Variants in EPHA6 observed in about 807,000 individuals in gnomAD.
EPHA6 encodes EPH receptor A6.
Under a neutral mutation model 112.0 loss-of-function variants are expected in EPHA6, and 50 were observed. The observed-to-expected ratio is 0.45, with a 90% CI of 0.36 to 0.56. The LOEUF is 0.56. Ranked by LOEUF, EPHA6 falls within the 20% of genes least tolerant of loss-of-function variation. The probability of loss-of-function intolerance (pLI) is 0.00; values close to 1 mark genes in which losing one functional copy is unlikely to be tolerated. For missense variants in EPHA6, 1,280 were observed against 1,417.4 expected (o/e 0.90, Z 1.56); for synonymous variants, 529 against 490.7 (o/e 1.08, Z -1.03).
rs1170197805 is a variant in EPHA6 at position 96,994,732 on chromosome 3, T to TATAGAGAGAGAG, written c.1114+6740_1114+6741insTAGAGAGAGAGA. ...GTGTATATATATATATATATATATA[T>TATAGAGAGAGAG]AGAGAGAGAGAGAGAGAGAGAGAGA... On this transcript the variant is annotated intron_variant, in intron 3 of 17. Transcript: ENST00000389672. 5.0e-3 allele frequency among the ~76,000 whole-genome samples: 409 copies of TATAGAGAGAGAG among 82,174 alleles called. 2 individuals are homozygous for TATAGAGAGAGAG. The highest frequency in any genetic ancestry group is 7.0e-3 in the Non-Finnish European group (324 of 46,466). The allele number at this position is 82,174 out of a possible 152,430, so 53.9% of individuals were successfully genotyped here.
intron 11 of EPHA6, among the ~76,000 whole-genome samples, chr3:97,565,615 G>C (rs561693790): frequency 2.0e-5 from 3 of 152,284 alleles, no homozygotes; most frequent in African/African-American, 7.2e-5. Context: ...AAGACAGGAA[G>C]AGTCTTGATA....
intron 3 of EPHA6, among the ~76,000 whole-genome samples, chr3:97,115,276 A>G (rs2047851491): frequency 6.6e-6 from 1 of 151,868 alleles, no homozygotes; most frequent in African/African-American, 2.4e-5. Context: ...GGGAGCCTAA[A>G]TGGGAGGGAA....
At chr3:97,643,461 T>A (rs1002686737) in intron 14 of EPHA6, among the ~76,000 whole-genome samples, 4 of 151,228 alleles carry the variant, frequency 2.6e-5, no homozygotes, top group Non-Finnish European at 4.4e-5. Flanking sequence ...TAAATGTAAA[T>A]GGACTAAATG....
intron 2 of EPHA6, among the ~76,000 whole-genome samples, chr3:96,930,377 G>T (rs2040250603): frequency 6.6e-6 from 1 of 152,008 alleles, no homozygotes; most frequent in Non-Finnish European, 1.5e-5. Context: ...CTTTGAATGG[G>T]GTTTTTGTGG....
rs370119916 is a variant in EPHA6, at chr3:97,736,626, A to T, written c.3128+508A>T. Among the ~76,000 whole-genome samples, 14 of 151,978 alleles carry T rather than the reference A, an allele frequency of 9.2e-5. No homozygotes were observed. In the South Asian group the frequency reaches 2.7e-3, roughly 29 times the overall value. On this transcript the variant is annotated intron_variant, in intron 16 of 17. Coordinates refer to ENST00000389672, the MANE Select transcript of EPHA6 (RefSeq NM_001080448.3). ...AGGAAGAATATTTCCTGCTGATATG[A>T]TCACATCTAGTTGTTGTTACTCTCC...
At chr3:96,880,208 A>C (rs1387791399) in intron 2 of EPHA6, among the ~76,000 whole-genome samples, 1 of 151,982 alleles carries the variant, frequency 6.6e-6, no homozygotes, top group Non-Finnish European at 1.5e-5. Flanking sequence ...CCTTGATTTG[A>C]TTATTACATA....
At chr3:97,127,221 T>C (rs1461285515) in intron 3 of EPHA6, among the ~76,000 whole-genome samples, 1 of 152,168 alleles carries the variant, frequency 6.6e-6, no homozygotes, top group African/African-American at 2.4e-5. Context: ...CAAAGGGATA[T>C]GATCTAATGG....
intron 2 of EPHA6, among the ~76,000 whole-genome samples, chr3:96,937,303 T>C (rs988978552): frequency 7.2e-5 from 11 of 152,070 alleles, no homozygotes; most frequent in East Asian, 1.9e-4. Context: ...GCCATTCTAA[T>C]TGGTGTGAGA....
At chr3:97,555,932 T>C in intron 11 of EPHA6, among the ~76,000 whole-genome samples, 1 of 152,074 alleles carries the variant, frequency 6.6e-6, no homozygotes, top group East Asian at 1.9e-4. Flanking sequence ...TTTAGTTTAA[T>C]TAAATCGAGT....
intron 1 of EPHA6, among the ~76,000 whole-genome samples, chr3:96,851,419 T>C (rs965188718): frequency 2.0e-5 from 3 of 152,228 alleles, no homozygotes; most frequent in Admixed American, 2.0e-4. Context: ...TAGTATAATT[T>C]TTTACGCCAA....
chr3:97,451,592 TAA>T (rs36039216), intron 7 of EPHA6, among the ~76,000 whole-genome samples: 186 of 132,120 alleles, frequency 1.4e-3, no homozygotes, highest in African/African-American at 3.5e-3. Flanking sequence ...AAAGGATCAT[TAA>T]AAAAAAAAAA....
chr3:97,263,949 A>C, intron 5 of EPHA6, among the ~76,000 whole-genome samples: 1 of 152,360 alleles, frequency 6.6e-6, no homozygotes, highest in Non-Finnish European at 1.5e-5. Flanking sequence ...ATTTCATATA[A>C]GTATAATGAA....
intron 5 of EPHA6, among the ~76,000 whole-genome samples, chr3:97,353,222 G>T (rs971689535): frequency 3.3e-5 from 5 of 151,752 alleles, no homozygotes; most frequent in African/African-American, 1.2e-4. Context: ...CATTCCCAGT[G>T]GTGGGGCCAT....
intron 1 of EPHA6, among the ~76,000 whole-genome samples, chr3:96,836,449 G>A (rs1042071785): frequency 6.6e-6 from 1 of 152,040 alleles, no homozygotes; most frequent in East Asian, 1.9e-4. Flanking sequence ...ATTTTACAAG[G>A]TTGTTGTAGC....
intron 1 of EPHA6, among the ~76,000 whole-genome samples, chr3:96,823,408 A>G (rs1037787752): frequency 1.3e-5 from 2 of 151,824 alleles, no homozygotes; most frequent in African/African-American, 4.8e-5. Context: ...GTATATATTC[A>G]ACCATACTCT....
At chr3:97,545,722 G>A (rs527759194) in intron 11 of EPHA6, among the ~76,000 whole-genome samples, 51 of 152,222 alleles carry the variant, frequency 3.4e-4, no homozygotes, top group Admixed American at 5.9e-4. Context: ...AGGTCACTAG[G>A]GACTTGCTTT....
At chr3:97,146,805 T>G (rs1364926526) in intron 3 of EPHA6, among the ~76,000 whole-genome samples, 1 of 151,968 alleles carries the variant, frequency 6.6e-6, no homozygotes, top group Non-Finnish European at 1.5e-5. Flanking sequence ...CTAATTCCTT[T>G]TACCTCCAGT....
At position 97,180,887 on chromosome 3, in the gene EPHA6, G is replaced by GC. The variant is rs549512635; in HGVS notation, c.1115-45371dup. Among the ~76,000 whole-genome samples, 8 of 149,452 alleles carry GC rather than the reference G, an allele frequency of 5.4e-5. No homozygotes were observed. The South Asian group carries it at 1.5e-3, about 28-fold the overall frequency. ...AGCGTCTCAGTATATTAGGAGCCCC[G>GC]CCCCCCAACCCCACCAGGCAACTGT... On this transcript the variant is annotated intron_variant, in intron 3 of 17. Transcript: ENST00000389672.
At chr3:97,213,470 G>A (rs1321047844) in intron 3 of EPHA6, among the ~76,000 whole-genome samples, 1 of 152,110 alleles carries the variant, frequency 6.6e-6, no homozygotes, top group Admixed American at 6.5e-5. Flanking sequence ...AGAAAAAACG[G>A]GTGGGGAATT....
Sources: gnomAD v4.1 joint callset for allele counts (sites outside exome capture counted in the v4.1 genomes callset) on GRCh38, gnomAD v4.1.1 for gene constraint, MANE v1.5 for transcripts, NCBI Gene and HGNC (gene_info 2026-07-23, HGNC 2026-07-21) for gene names.